The following NFIB variants were observed in gnomAD, a reference collection of about 807,000 sequenced individuals.
NFIB encodes nuclear factor I B.
NFIB carries 11 observed loss-of-function variants against 61.5 expected under a neutral mutation model. The observed-to-expected ratio is 0.18, with a 90% CI of 0.11 to 0.30. The LOEUF is 0.30. Ranked by LOEUF, NFIB falls within the 10% of genes least tolerant of loss-of-function variation. NFIB has a pLI of 1.00. For synonymous variants in NFIB, 260 were observed against 216.5 expected, an observed-to-expected ratio of 1.20 and a Z score of -1.76; for missense variants, 471 against 608.9, an observed-to-expected ratio of 0.77 and a Z score of 2.38.
At chr9:14,340,387 G>A (rs970389505) in intron 1 of NFIB, among the ~76,000 whole-genome samples, 2 of 152,222 alleles carry the variant, frequency 1.3e-5, no homozygotes, top group Middle Eastern at 3.4e-3. Context: ...GAATCGCCCA[G>A]GGGAACTTGT....
intron 2 of NFIB, among the ~76,000 whole-genome samples, chr9:14,293,911 A>C (rs1364195908): frequency 2.0e-5 from 3 of 152,236 alleles, no homozygotes; most frequent in African/African-American, 4.8e-5. Context: ...CTGTCTACCT[A>C]TGTTGATTCT....
chr9:14,266,985 A>C (rs1002694278), intron 2 of NFIB, among the ~76,000 whole-genome samples: 1 of 152,222 alleles, frequency 6.6e-6, no homozygotes, highest in African/African-American at 2.4e-5. Flanking sequence ...CAGAATCAGA[A>C]CTGGGGAAAA....
intron 1 of NFIB, among the ~76,000 whole-genome samples, chr9:14,366,040 A>G (rs1315415029): frequency 6.6e-6 from 1 of 152,150 alleles, no homozygotes; most frequent in Non-Finnish European, 1.5e-5. Context: ...AAGGCTGAAA[A>G]CAGCATTTAA....
intron 1 of NFIB, among the ~76,000 whole-genome samples, chr9:14,346,737 T>C (rs78014157): frequency 0.012 from 1,880 of 152,272 alleles, 38 homozygotes; most frequent in African/African-American, 0.043. Context: ...GGGCGGTTTC[T>C]GTGATGGTCA....
At chr9:14,256,374 T>C (rs1433029379) in intron 2 of NFIB, among the ~76,000 whole-genome samples, 3 of 152,108 alleles carry the variant, frequency 2.0e-5, no homozygotes, top group Admixed American at 6.5e-5. Context: ...TAAATAATTT[T>C]CCAAAAACTT....
chr9:14,471,526 A>C, the NFIB span, among the ~76,000 whole-genome samples: 93 of 152,386 alleles, frequency 6.1e-4, no homozygotes, highest in African/African-American at 2.2e-3. Context: ...CCAATAACCA[A>C]GTTAGTAGAA....
chr9:14,105,644 T>C (rs1475258904), intron 10 of NFIB, among the ~76,000 whole-genome samples: 1 of 152,174 alleles, frequency 6.6e-6, no homozygotes, highest in Non-Finnish European at 1.5e-5. Flanking sequence ...ATCATTAAAA[T>C]AGAAATCACT....
chr9:14,465,477 A>G, the NFIB span, among the ~76,000 whole-genome samples: 1 of 152,156 alleles, frequency 6.6e-6, no homozygotes, highest in Non-Finnish European at 1.5e-5. Context: ...ATAGATATTA[A>G]CAACATAGAG....
chr9:14,506,832 A>G, the NFIB span, among the ~76,000 whole-genome samples: 1 of 152,226 alleles, frequency 6.6e-6, no homozygotes, highest in South Asian at 2.1e-4. Context: ...TTGGCATGGG[A>G]GCTGTTGATA....
the NFIB span, among the ~76,000 whole-genome samples, chr9:14,430,364 G>T: frequency 1.9e-4 from 27 of 143,450 alleles, no homozygotes; most frequent in East Asian, 2.0e-4. Flanking sequence ...AGGAAGAAAA[G>T]AAAAAAAAAA....
the NFIB span, among the ~76,000 whole-genome samples, chr9:14,520,213 G>A: frequency 2.0e-5 from 3 of 152,096 alleles, no homozygotes; most frequent in South Asian, 2.1e-4. Flanking sequence ...TTTATCAAAA[G>A]GCCATTTCTT....
At chr9:14,243,294 A>G (rs2054539287) in intron 2 of NFIB, among the ~76,000 whole-genome samples, 1 of 152,244 alleles carries the variant, frequency 6.6e-6, no homozygotes, top group South Asian at 2.1e-4. Flanking sequence ...TTGAAAGAGA[A>G]GAAAAAGCAA....
chr9:14,402,879 T>A (rs2061756003), upstream of NFIB, among the ~76,000 whole-genome samples: 1 of 152,202 alleles, frequency 6.6e-6, no homozygotes, highest in South Asian at 2.1e-4. Flanking sequence ...AATAATTTTT[T>A]AAAGCAATTA....
intron 10 of NFIB, among the ~76,000 whole-genome samples, chr9:14,095,801 T>C (rs1374941468): frequency 2.0e-5 from 3 of 152,190 alleles, no homozygotes; most frequent in Non-Finnish European, 4.4e-5. Context: ...ATTAAAGAAC[T>C]GAACACATTT....
intron 1 of NFIB, among the ~76,000 whole-genome samples, chr9:14,336,534 T>C (rs1156613495): frequency 3.3e-5 from 5 of 152,208 alleles, no homozygotes; most frequent in African/African-American, 1.2e-4. Flanking sequence ...GTGTTTTGTA[T>C]ATAGCAACTC....
intron 5 of NFIB, among the ~76,000 whole-genome samples, chr9:14,148,875 C>T (rs1432109493): frequency 6.6e-6 from 1 of 152,196 alleles, no homozygotes; most frequent in African/African-American, 2.4e-5. Context: ...CATTTTAACT[C>T]TCTTTTAAAC....
At chr9:14,174,439 TG>T (rs2045916604) in intron 3 of NFIB, among the ~76,000 whole-genome samples, 1 of 152,098 alleles carries the variant, frequency 6.6e-6, no homozygotes, top group African/African-American at 2.4e-5. Context: ...ACACAATAAA[TG>T]AGGACATGAG....
chr9:14,419,130 T>C, the NFIB span, among the ~76,000 whole-genome samples: 6 of 151,312 alleles, frequency 4.0e-5, no homozygotes, highest in African/African-American at 1.5e-4. Context: ...AAATAGAGGT[T>C]TGTTGCACTA....
intron 1 of NFIB, among the ~76,000 whole-genome samples, chr9:14,346,290 A>AGCCCCCCCCCCC (rs2061019183): frequency 1.1e-5 from 1 of 88,394 alleles, no homozygotes; most frequent in African/African-American, 3.5e-5. Context: ...GGTAACCGAC[A>AGCCCCCCCCCCC]CCCCCCCCCC....
Sources: gnomAD v4.1 joint callset for allele counts (sites outside exome capture counted in the v4.1 genomes callset) on GRCh38, gnomAD v4.1.1 for gene constraint, MANE v1.5 for transcripts, NCBI Gene and HGNC (gene_info 2026-07-23, HGNC 2026-07-21) for gene names.